Variants in HPSE2 observed in about 807,000 individuals in gnomAD.
HPSE2 encodes the protein inactive heparanase-2.
Under a neutral mutation model 60.5 loss-of-function variants are expected in HPSE2, and 38 were observed. That is an observed-to-expected ratio of 0.63 (90% confidence interval 0.48 to 0.82). HPSE2 has a LOEUF of 0.82. HPSE2 is among the 40% of genes least tolerant of loss of function. The pLI, the probability that HPSE2 is intolerant of heterozygous loss-of-function variation, is 0.00. For synonymous variants in HPSE2, 295 were observed against 293.2 expected (o/e 1.01, Z -0.06); for missense variants, 713 against 740.4 (o/e 0.96, Z 0.43).
chr10:98,781,256 CT>C (rs1950458715), intron 3 of HPSE2, among the ~76,000 whole-genome samples: 1 of 148,042 alleles, frequency 6.8e-6, no homozygotes, highest in Admixed American at 6.8e-5. Flanking sequence ...GCCTCTGCCC[CT>C]ATGAAAGAAA....
intron 3 of HPSE2, among the ~76,000 whole-genome samples, chr10:99,102,432 G>C (rs1233475847): frequency 1.3e-5 from 2 of 152,054 alleles, no homozygotes; most frequent in African/African-American, 4.8e-5. Context: ...ACTAAACCAG[G>C]AAGAAGTTGA....
chr10:98,640,058 G>T (rs1423145043), intron 7 of HPSE2, among the ~76,000 whole-genome samples: 1 of 152,194 alleles, frequency 6.6e-6, no homozygotes, highest in South Asian at 2.1e-4. Flanking sequence ...AGGGCAATAT[G>T]TAATATCAGA....
intron 10 of HPSE2, among the ~76,000 whole-genome samples, chr10:98,489,783 G>C (rs1941573649): frequency 6.6e-6 from 1 of 152,224 alleles, no homozygotes; most frequent in African/African-American, 2.4e-5. Context: ...CAATAAAAAT[G>C]TGTTGGATGA....
At chr10:98,984,096 A>C (rs1376699592) in intron 3 of HPSE2, among the ~76,000 whole-genome samples, 1 of 152,172 alleles carries the variant, frequency 6.6e-6, no homozygotes, top group Non-Finnish European at 1.5e-5. Context: ...AGGCAGCAAA[A>C]ACATCTGCAG....
At chr10:99,125,416 A>G (rs1372371419) in intron 3 of HPSE2, among the ~76,000 whole-genome samples, 2 of 152,178 alleles carry the variant, frequency 1.3e-5, no homozygotes, top group African/African-American at 2.4e-5. Flanking sequence ...CTCCTAGACT[A>G]TAATATTAGG....
At chr10:99,102,178 TTAA>T (rs1844027026) in intron 3 of HPSE2, among the ~76,000 whole-genome samples, 1 of 151,280 alleles carries the variant, frequency 6.6e-6, no homozygotes, top group Admixed American at 6.6e-5. Context: ...CTTCAAAAAA[TTAA>T]TGAATCCAGG....
intron 9 of HPSE2, among the ~76,000 whole-genome samples, chr10:98,591,434 G>A (rs1945087194): frequency 6.6e-6 from 1 of 152,160 alleles, no homozygotes; most frequent in Admixed American, 6.5e-5. Flanking sequence ...AGGCTGACAG[G>A]GGCAGATCAC....
At chr10:98,494,694 T>C in intron 9 of HPSE2, among the ~76,000 whole-genome samples, 1 of 152,214 alleles carries the variant, frequency 6.6e-6, no homozygotes, top group East Asian at 1.9e-4. Flanking sequence ...ATGGTTGATG[T>C]CACAAAATTA....
chr10:98,751,514 G>T (rs1213296387), intron 3 of HPSE2, among the ~76,000 whole-genome samples: 1 of 152,170 alleles, frequency 6.6e-6, no homozygotes, highest in African/African-American at 2.4e-5. Flanking sequence ...AAGAAAGAGT[G>T]TTTTTTCTGT....
rs1048180524 is a variant in HPSE2, at chr10:99,126,336, C to A, written c.610+17902G>T. The stretch of plus-strand genomic sequence containing the variant: ...CAAGTCTGAGCCCAGACTCACCTAA[C>A]CCTGCCCCAACCTGATGGTATTTCA... On this transcript the variant is annotated intron_variant, in intron 3 of 11. Coordinates refer to ENST00000370552, the MANE Select transcript of HPSE2 (RefSeq NM_021828.5). This position sits in a 1 kb window ranked among gnomAD's most constrained non-coding sequence, Gnocchi z 4.0. Among the ~76,000 whole-genome samples, 1 of 152,140 alleles carries A rather than the reference C, an allele frequency of 6.6e-6. No individual in the cohort carries two copies. The highest frequency in any genetic ancestry group is 1.5e-5 in the Non-Finnish European group (1 of 68,026).
intron 5 of HPSE2, among the ~76,000 whole-genome samples, chr10:98,720,789 T>C (rs1948903013): frequency 6.6e-6 from 1 of 152,164 alleles, no homozygotes; most frequent in Non-Finnish European, 1.5e-5. Context: ...TTTATTGCTA[T>C]TAAGAATGAC....
chr10:99,084,945 G>A (rs948643037), intron 3 of HPSE2, among the ~76,000 whole-genome samples: 1 of 152,258 alleles, frequency 6.6e-6, no homozygotes, highest in South Asian at 2.1e-4. Flanking sequence ...ATTTACATAC[G>A]TCACACCTCC....
intron 3 of HPSE2, among the ~76,000 whole-genome samples, chr10:99,134,905 A>G (rs1217980144): frequency 6.6e-6 from 1 of 152,232 alleles, no homozygotes; most frequent in Non-Finnish European, 1.5e-5. Context: ...TGCCCCAATT[A>G]AAAGACACAG....
intron 3 of HPSE2, among the ~76,000 whole-genome samples, chr10:98,902,114 T>A (rs1487651593): frequency 6.6e-6 from 1 of 152,200 alleles, no homozygotes; most frequent in South Asian, 2.1e-4. Flanking sequence ...GAATCCGTAG[T>A]CACAAAATGC....
chr10:98,670,171 A>AG (rs1441878670), intron 6 of HPSE2, among the ~76,000 whole-genome samples: 1 of 152,174 alleles, frequency 6.6e-6, no homozygotes, highest in African/African-American at 2.4e-5. Context: ...GAGTTCAGGC[A>AG]GCCAGTTAAG....
chr10:99,250,425 C>T, the HPSE2 span, among the ~76,000 whole-genome samples: 4 of 152,172 alleles, frequency 2.6e-5, no homozygotes, highest in African/African-American at 9.7e-5. Context: ...GACTTCAACA[C>T]CACCCTGTCA....
At chr10:99,252,072 G>A in the HPSE2 span, among the ~76,000 whole-genome samples, 1 of 151,738 alleles carries the variant, frequency 6.6e-6, no homozygotes, top group African/African-American at 2.4e-5. Flanking sequence ...AAAAACATAT[G>A]ATCATCTCAA....
intron 4 of HPSE2, 150 bp from the exon 5 acceptor site, chr10:98,721,978 C>A: frequency 5.5e-6 from 4 of 725,856 alleles, no homozygotes; most frequent in Admixed American, 2.5e-5. Context: ...CTTAAAGAAC[C>A]ACCCAAACAA....
chr10:98,960,746 T>TA (rs764756701), intron 3 of HPSE2, among the ~76,000 whole-genome samples: 11,674 of 129,396 alleles, frequency 0.09, 534 homozygotes, highest in South Asian at 0.15. Context: ...TTTTATTTTT[T>TA]TTTTTATTAT....
Sources: allele counts gnomAD v4.1 joint callset (sites outside exome capture counted in the v4.1 genomes callset), GRCh38; gene constraint gnomAD v4.1.1; non-coding constraint Gnocchi (gnomAD v3.1); transcripts MANE v1.5; gene names NCBI Gene and HGNC (gene_info 2026-07-23, HGNC 2026-07-21).